Variants in CMTM3 observed in about 807,000 individuals in gnomAD.
CMTM3 encodes CKLF-like MARVEL transmembrane domain-containing protein 3.
A neutral mutation model predicts 18.2 loss-of-function variants in CMTM3; 7 were observed. The observed-to-expected ratio is 0.38, with a 90% confidence interval of 0.22 to 0.72. CMTM3 has a LOEUF of 0.72. Among genes scored for constraint, CMTM3 ranks in the 30% least tolerant of loss-of-function variants. The pLI is 0.46. For synonymous variants in CMTM3, 109 were observed against 111.2 expected (o/e 0.98, Z 0.12); for missense variants, 227 against 249.2 (o/e 0.91, Z 0.60).
chr16:66,607,771 G>A (rs2015212894), intron 1 of CMTM3, among the ~76,000 whole-genome samples: 1 of 152,046 alleles, frequency 6.6e-6, no homozygotes, highest in South Asian at 2.1e-4. Flanking sequence ...GTGGGGTAAG[G>A]TGAGGACTCA....
rs1170321226 is a variant in CMTM3, at chr16:66,605,506, C to G, written c.147+554C>G. The G allele has an allele frequency of 1.3e-5, 2 of 152,610 alleles. No individual in the cohort carries two copies. The highest frequency in any genetic ancestry group is 1.9e-4 in the East Asian group (1 of 5,172). The allele number at this position is 152,610 out of a possible 1,614,324, so 9.5% of individuals were successfully genotyped here. A position where few individuals can be genotyped will look rare whatever the true frequency, so the allele number is the denominator to read the frequency against. On this transcript the variant is annotated intron_variant, in intron 1 of 4. Transcript: ENST00000567572. This position sits in a 1 kb window ranked among gnomAD's most constrained non-coding sequence, Gnocchi z 4.6. ...CTTCCTACTCCGCCCTCGCCCCCAC[C>G]CCGGCCGGTGGGGCTTCTTTGTCCT... is the stretch of plus-strand genomic sequence containing the variant.
Position 66,609,603 on chromosome 16 carries a change from C to T in CMTM3, c.399+73C>T. 6.6e-7 allele frequency: 1 copy of T among 1,521,072 alleles called. No homozygotes were observed. Among genetic ancestry groups the T allele is most frequent in the Non-Finnish European group, 8.9e-7 (1 of 1,122,494 alleles). The allele number at this position is 1,521,072 out of a possible 1,614,324, so 94.2% of individuals were successfully genotyped here. A position where few individuals can be genotyped will look rare whatever the true frequency, so the allele number is the denominator to read the frequency against. Reference sequence around the variant, plus strand: ...CCCTCATTTAGGGTGGGACCTGGGGCAGAGCCTTTCCCTGCTGGGGCCCCC... The same window carrying T: ...CCCTCATTTAGGGTGGGACCTGGGGTAGAGCCTTTCCCTGCTGGGGCCCCC... On this transcript the variant is annotated intron_variant, in intron 3 of 4. Transcript: ENST00000567572. This position sits in a 1 kb window ranked among gnomAD's most constrained non-coding sequence, Gnocchi z 4.4.
At position 66,612,298 on chromosome 16, in the gene CMTM3, C is replaced by T. The variant is rs1393402284; in HGVS notation, c.521-311C>T. On this transcript the variant is annotated intron_variant, in intron 4 of 4. Transcript: ENST00000567572. This position sits in a 1 kb window ranked among gnomAD's most constrained non-coding sequence, Gnocchi z 6.0. Reference sequence around the variant, plus strand: ...GCACACGCTTATAATCCCAGCTACTCGGGAGGGAGGAAGTTGCAGTGAGTC... The same window carrying T: ...GCACACGCTTATAATCCCAGCTACTTGGGAGGGAGGAAGTTGCAGTGAGTC... Among the ~76,000 whole-genome samples, 4 of 151,956 alleles carry T rather than the reference C, an allele frequency of 2.6e-5. No homozygotes were observed. Among genetic ancestry groups the T allele is most frequent in the Non-Finnish European group, 2.9e-5 (2 of 67,982 alleles).
Position 66,608,384 on chromosome 16 carries a change from T to C in CMTM3, c.223T>C (p.Phe75Leu). 12 of 1,614,198 alleles carry C rather than the reference T, an allele frequency of 7.4e-6. No homozygotes were observed. The highest frequency in any genetic ancestry group is 1.0e-5 in the Non-Finnish European group (12 of 1,180,032). ...CTTCCTCACAGCGCCTCTGCTGGAG[T>C]TCCTGCTGGCCTTGTACTTCCTCTT... is the stretch of plus-strand genomic sequence containing the variant. ...SAFLTAPLLE[F>L]LLALYFLFAD... is the part of the protein sequence containing the mutation. The change falls in exon 2 of 5, where the codon TTC (phenylalanine) becomes CTC (leucine). Residue 75 changes from phenylalanine to leucine, a missense_variant. Transcript: ENST00000567572. The surrounding 1 kb of genome is among the most constrained non-coding windows in gnomAD (Gnocchi z 5.1).
chr16:66,606,999 C>T (rs1161696010), intron 1 of CMTM3, among the ~76,000 whole-genome samples: 4 of 152,094 alleles, frequency 2.6e-5, no homozygotes, highest in Non-Finnish European at 5.9e-5. Flanking sequence ...ATCTCTGGGG[C>T]GGAGGTAAGA....
chr16:66,612,735 G>A lies in CMTM3; in HGVS notation c.*98G>A. 1 of 1,218,318 alleles carries A rather than the reference G, an allele frequency of 8.2e-7. No homozygotes were observed. The highest frequency in any genetic ancestry group is 1.2e-6 in the Non-Finnish European group (1 of 840,118). 75.5% of individuals were successfully genotyped at this position (1,218,318 alleles called of 1,614,324 possible). The stretch of plus-strand genomic sequence containing the variant: ...TTGGAGCGGAGGCCTGGACTTCTGA[G>A]TTGCAGAGGGGGCTGCGGACACAGC... On this transcript the variant is annotated 3_prime_UTR_variant, in exon 5 of 5. Coordinates refer to ENST00000567572, the MANE Select transcript of CMTM3 (RefSeq NM_181553.4). This position sits in a 1 kb window ranked among gnomAD's most constrained non-coding sequence, Gnocchi z 6.0.
At position 66,612,062 on chromosome 16, in the gene CMTM3, C is replaced by T. The variant is rs954259310; in HGVS notation, c.521-547C>T. On this transcript the variant is annotated intron_variant, in intron 4 of 4. Coordinates refer to ENST00000567572, the MANE Select transcript of CMTM3 (RefSeq NM_181553.4). The surrounding 1 kb of genome is among the most constrained non-coding windows in gnomAD (Gnocchi z 6.0). ...TGGGCCTGAGGAAGGGGCACCTGGG[C>T]TTCAGTCTTGGGGTGGAAACACCCC... 2.6e-5 allele frequency among the ~76,000 whole-genome samples: 4 copies of T among 152,248 alleles called. No individual in the cohort carries two copies. The East Asian group carries it at 5.8e-4, about 22-fold the overall frequency.
chr16:66,606,571 G>C (rs1597205425), intron 1 of CMTM3, among the ~76,000 whole-genome samples: 2 of 152,264 alleles, frequency 1.3e-5, no homozygotes, highest in African/African-American at 4.8e-5. Context: ...TGGGGCATCT[G>C]GGTGTCCCCA....
intron 1 of CMTM3, among the ~76,000 whole-genome samples, chr16:66,607,744 CCT>C (rs1440226343): frequency 6.6e-6 from 1 of 151,852 alleles, no homozygotes; most frequent in Non-Finnish European, 1.5e-5. Context: ...CTGACTAGGT[CCT>C]GTCAGGGAGC....
chr16:66,610,044 G>A lies in CMTM3; in HGVS notation c.520+41G>A, dbSNP rs1382553503. On this transcript the variant is annotated intron_variant, in intron 4 of 4. Coordinates refer to ENST00000567572, the MANE Select transcript of CMTM3 (RefSeq NM_181553.4). This position sits in a 1 kb window ranked among gnomAD's most constrained non-coding sequence, Gnocchi z 4.6. Reference sequence around the variant, plus strand: ...GATCACCCCAGCAGTGCTGCAACAGGGGCCTGCCCTCCCTCGGGGATGCCA... The same window carrying A: ...GATCACCCCAGCAGTGCTGCAACAGAGGCCTGCCCTCCCTCGGGGATGCCA... The A allele has an allele frequency of 2.5e-6, 4 of 1,606,352 alleles. No individual in the cohort carries two copies. Among genetic ancestry groups the A allele is most frequent in the Non-Finnish European group, 3.4e-6 (4 of 1,175,358 alleles).
At position 66,613,486 on chromosome 16, in the gene CMTM3, A is replaced by G. The variant is rs1253462387; in HGVS notation, c.*849A>G. Reference sequence around the variant, plus strand: ...AACTTCCAGACCTCAGGGCAGGTCTATGGGCCACTGCAGGAGATGAGACCA... The same window carrying G: ...AACTTCCAGACCTCAGGGCAGGTCTGTGGGCCACTGCAGGAGATGAGACCA... On this transcript the variant is annotated 3_prime_UTR_variant, in exon 5 of 5. Coordinates refer to ENST00000567572, the MANE Select transcript of CMTM3 (RefSeq NM_181553.4). 1.2e-5 allele frequency: 3 copies of G among 245,120 alleles called. No homozygotes were observed. The highest frequency in any genetic ancestry group is 2.4e-5 in the Non-Finnish European group (3 of 126,008). The allele number at this position is 245,120 out of a possible 1,614,324, so 15.2% of individuals were successfully genotyped here.
At position 66,605,186 on chromosome 16, in the gene CMTM3, C is replaced by T. The variant is rs1597203271; in HGVS notation, c.147+234C>T. 1.2e-5 allele frequency: 5 copies of T among 409,602 alleles called. No individual in the cohort carries two copies. The East Asian group carries it at 2.0e-4, about 17-fold the overall frequency. The allele number at this position is 409,602 out of a possible 1,614,324, so 25.4% of individuals were successfully genotyped here. The stretch of plus-strand genomic sequence containing the variant: ...CATCCGCGGCGCTGTCCCCGCGAGT[C>T]CAGAGCTGGGGGCCGTGGGAAGTGG... On this transcript the variant is annotated intron_variant, in intron 1 of 4. Coordinates refer to ENST00000567572, the MANE Select transcript of CMTM3 (RefSeq NM_181553.4). The surrounding 1 kb of genome is among the most constrained non-coding windows in gnomAD (Gnocchi z 4.6).
rs2015395385 is a variant in CMTM3 at position 66,612,072 on chromosome 16, G to A, written c.521-537G>A. ...GAAGGGGCACCTGGGCTTCAGTCTTGGGGTGGAAACACCCCCACCTGCACC... is the reference window on the plus strand; with the variant it reads ...GAAGGGGCACCTGGGCTTCAGTCTTAGGGTGGAAACACCCCCACCTGCACC... On this transcript the variant is annotated intron_variant, in intron 4 of 4. Transcript: ENST00000567572. The surrounding 1 kb of genome is among the most constrained non-coding windows in gnomAD (Gnocchi z 6.0). Among the ~76,000 whole-genome samples, 1 of 152,088 alleles carries A rather than the reference G, an allele frequency of 6.6e-6. No individual in the cohort carries two copies. Among genetic ancestry groups the A allele is most frequent in the Non-Finnish European group, 1.5e-5 (1 of 67,998 alleles).
rs117351682 is a variant in CMTM3 at position 66,610,059 on chromosome 16, C to T, written c.520+56C>T. The T allele has an allele frequency of 6.7e-5, 107 of 1,599,280 alleles. No homozygotes were observed. Among genetic ancestry groups the T allele is most frequent in the Non-Finnish European group, 8.2e-5 (96 of 1,171,620 alleles). On this transcript the variant is annotated intron_variant, in intron 4 of 4. Coordinates refer to ENST00000567572, the MANE Select transcript of CMTM3 (RefSeq NM_181553.4). This position sits in a 1 kb window ranked among gnomAD's most constrained non-coding sequence, Gnocchi z 4.6. The stretch of plus-strand genomic sequence containing the variant: ...GCTGCAACAGGGGCCTGCCCTCCCT[C>T]GGGGATGCCAGCTAGTTTGAGGCTG...
chr16:66,606,836 TAAA>T (rs1275627773), intron 1 of CMTM3, among the ~76,000 whole-genome samples: 1 of 151,968 alleles, frequency 6.6e-6, no homozygotes, highest in Non-Finnish European at 1.5e-5. Flanking sequence ...CTACTAAAAA[TAAA>T]AAAATTAGCT....
chr16:66,613,168 A>G lies in CMTM3; in HGVS notation c.*531A>G. ...TTCAAGGAGCACCAGTTCCCTCTTC[A>G]TTCTTGAAGCAGGGAGAAATTGACC... On this transcript the variant is annotated 3_prime_UTR_variant, in exon 5 of 5. Coordinates refer to ENST00000567572, the MANE Select transcript of CMTM3 (RefSeq NM_181553.4). 7 of 702,266 alleles carry G rather than the reference A, an allele frequency of 1.0e-5. No individual in the cohort carries two copies. Among genetic ancestry groups the G allele is most frequent in the Non-Finnish European group, 1.3e-5 (5 of 384,696 alleles). 43.5% of individuals were successfully genotyped at this position (702,266 alleles called of 1,614,324 possible). A position where few individuals can be genotyped will look rare whatever the true frequency, so the allele number is the denominator to read the frequency against.
Position 66,612,539 on chromosome 16 carries a change from C to G in CMTM3, c.521-70C>G, listed in dbSNP as rs1009257806. Reference sequence around the variant, plus strand: ...TCCTGCCAGCAACCCAGCTGTGCTTCCCCAGAGACCGTTCCCAGGCACCGC... The same window carrying G: ...TCCTGCCAGCAACCCAGCTGTGCTTGCCCAGAGACCGTTCCCAGGCACCGC... On this transcript the variant is annotated intron_variant, in intron 4 of 4. Transcript: ENST00000567572. The surrounding 1 kb of genome is among the most constrained non-coding windows in gnomAD (Gnocchi z 6.0). The G allele has an allele frequency of 1.3e-6, 2 of 1,532,346 alleles. No homozygotes were observed. The highest frequency in any genetic ancestry group is 2.7e-5 in the African/African-American group (2 of 73,362). The allele number at this position is 1,532,346 out of a possible 1,614,324, so 94.9% of individuals were successfully genotyped here. A position where few individuals can be genotyped will look rare whatever the true frequency, so the allele number is the denominator to read the frequency against.
chr16:66,606,790 C>T (rs766279628), intron 1 of CMTM3, among the ~76,000 whole-genome samples: 1 of 152,126 alleles, frequency 6.6e-6, no homozygotes, highest in African/African-American at 2.4e-5. Context: ...GTCAGGAATT[C>T]GAGACCAGCC....
In CMTM3 at chr16:66,609,707, C is replaced by T; in HGVS notation, c.400-176C>T. ...TGACTCTACCCGGGGTTTTGAAAGG[C>T]TGTTTGTCAAACCAAGTTCACAGCT... On this transcript the variant is annotated intron_variant, in intron 3 of 4. Coordinates refer to ENST00000567572, the MANE Select transcript of CMTM3 (RefSeq NM_181553.4). This position sits in a 1 kb window ranked among gnomAD's most constrained non-coding sequence, Gnocchi z 4.4. 1 of 1,549,686 alleles carries T rather than the reference C, an allele frequency of 6.5e-7. No individual in the cohort carries two copies. The highest frequency in any genetic ancestry group is 8.7e-7 in the Non-Finnish European group (1 of 1,148,512).
Sources: allele counts gnomAD v4.1 joint callset (sites outside exome capture counted in the v4.1 genomes callset), GRCh38; gene constraint gnomAD v4.1.1; non-coding constraint Gnocchi (gnomAD v3.1); transcripts MANE v1.5; gene names NCBI Gene and HGNC (gene_info 2026-07-23, HGNC 2026-07-21).